ABTB3: variants seen among roughly 807,000 people sequenced by gnomAD.
ABTB3 encodes the protein ankyrin repeat- and BTB/POZ domain-containing protein 3.
chr12:107,318,892 G>T, the ABTB3 span: 6 of 1,523,386 alleles, frequency 3.9e-6, no homozygotes, highest in African/African-American at 5.5e-5. Flanking sequence ...GCTCCTCGCC[G>T]CTCCTTCCCT....
At chr12:107,474,545 G>A in the ABTB3 span, among the ~76,000 whole-genome samples, 2 of 152,174 alleles carry the variant, frequency 1.3e-5, no homozygotes, top group Admixed American at 6.5e-5. Flanking sequence ...GGGAAAGTGG[G>A]CTGTACCTGG....
chr12:107,448,818 G>A, the ABTB3 span, among the ~76,000 whole-genome samples: 100 of 152,042 alleles, frequency 6.6e-4, no homozygotes, highest in African/African-American at 2.1e-3. Context: ...TGGTCCGCCC[G>A]CCTCGTCCTC....
At chr12:107,648,019 C>T in the ABTB3 span, among the ~76,000 whole-genome samples, 6 of 152,116 alleles carry the variant, frequency 3.9e-5, no homozygotes, top group African/African-American at 9.7e-5. Context: ...GTAACCAGTC[C>T]GTAGATTTTG....
chr12:107,430,085 T>C, the ABTB3 span, among the ~76,000 whole-genome samples: 1 of 152,274 alleles, frequency 6.6e-6, no homozygotes, highest in Non-Finnish European at 1.5e-5. Flanking sequence ...CATATTATGC[T>C]ATGCATACTG....
At chr12:107,335,944 G>A in the ABTB3 span, among the ~76,000 whole-genome samples, 1 of 152,164 alleles carries the variant, frequency 6.6e-6, no homozygotes, top group African/African-American at 2.4e-5. Context: ...ATGCTTCACA[G>A]TTGAAGATGA....
the ABTB3 span, among the ~76,000 whole-genome samples, chr12:107,359,027 G>C: frequency 6.6e-6 from 1 of 152,216 alleles, no homozygotes; most frequent in African/African-American, 2.4e-5. Flanking sequence ...GGCAGGTTGC[G>C]GGCAGCAGCA....
At chr12:107,385,025 C>T in the ABTB3 span, among the ~76,000 whole-genome samples, 7 of 152,340 alleles carry the variant, frequency 4.6e-5, no homozygotes, top group Admixed American at 3.3e-4. Context: ...CGTCCTCATA[C>T]TAGGGCTTAG....
At chr12:107,539,722 C>T in the ABTB3 span, among the ~76,000 whole-genome samples, 1 of 152,188 alleles carries the variant, frequency 6.6e-6, no homozygotes, top group Non-Finnish European at 1.5e-5. Flanking sequence ...TATTCAATGC[C>T]AAGTATGCCA....
the ABTB3 span, among the ~76,000 whole-genome samples, chr12:107,569,329 G>A: frequency 2.0e-5 from 3 of 151,746 alleles, no homozygotes; most frequent in Admixed American, 6.5e-5. Flanking sequence ...GAGAATTTTT[G>A]TAAGGATAAA....
At chr12:107,646,427 C>T in the ABTB3 span, among the ~76,000 whole-genome samples, 1 of 148,346 alleles carries the variant, frequency 6.7e-6, no homozygotes, top group Non-Finnish European at 1.5e-5. Context: ...ATTCTTAAGG[C>T]TCTTATTGTT....
chr12:107,562,294 G>C, the ABTB3 span, among the ~76,000 whole-genome samples: 3 of 152,154 alleles, frequency 2.0e-5, no homozygotes, highest in African/African-American at 7.2e-5. Flanking sequence ...AATCAAACTG[G>C]GTACTCAAAC....
At chr12:107,526,717 C>T in the ABTB3 span, among the ~76,000 whole-genome samples, 70 of 152,210 alleles carry the variant, frequency 4.6e-4, no homozygotes, top group African/African-American at 1.7e-3. Context: ...TGTCCCCAGG[C>T]AATTAGGCAA....
At chr12:107,319,810 G>T in the ABTB3 span, 3 of 1,337,798 alleles carry the variant, frequency 2.2e-6, no homozygotes, top group Non-Finnish European at 2.9e-6. Context: ...AGCGGGAGGC[G>T]CCCGGGGGAG....
chr12:107,588,614 G>A, the ABTB3 span, among the ~76,000 whole-genome samples: 5 of 152,110 alleles, frequency 3.3e-5, no homozygotes, highest in Admixed American at 6.5e-5. Flanking sequence ...TCCGCCTCCC[G>A]GGTTCAAGTG....
chr12:107,390,471 C>A, the ABTB3 span, among the ~76,000 whole-genome samples: 31 of 152,326 alleles, frequency 2.0e-4, no homozygotes, highest in Non-Finnish European at 4.0e-4. Context: ...TTTGTGTGTG[C>A]TTGCCACTTT....
At chr12:107,531,226 T>G in the ABTB3 span, among the ~76,000 whole-genome samples, 1 of 152,200 alleles carries the variant, frequency 6.6e-6, no homozygotes, top group African/African-American at 2.4e-5. Flanking sequence ...CCCCTGGATG[T>G]GACAATCAAA....
At chr12:107,401,202 G>A in the ABTB3 span, among the ~76,000 whole-genome samples, 1 of 152,172 alleles carries the variant, frequency 6.6e-6, no homozygotes, top group Admixed American at 6.5e-5. Flanking sequence ...TAGAGGCTCA[G>A]CCTCAGAAAG....
the ABTB3 span, among the ~76,000 whole-genome samples, chr12:107,503,756 C>CAAAAAAAAAAAAAAAAAAAAAAA: frequency 1.4e-5 from 1 of 70,740 alleles, no homozygotes; most frequent in East Asian, 3.4e-4. Context: ...GACCCTATCT[C>CAAAAAAAAAAAAAAAAAAAAAAA]AAAAAAAAAA....
chr12:107,612,878 G>A, the ABTB3 span: 2 of 1,611,898 alleles, frequency 1.2e-6, no homozygotes, highest in African/African-American at 2.7e-5. Context: ...AGGTGAGGGT[G>A]CAGAGGCCAG....
Sources: allele counts gnomAD v4.1 joint callset (sites outside exome capture counted in the v4.1 genomes callset), GRCh38; gene constraint gnomAD v4.1.1; transcripts MANE v1.5; gene names NCBI Gene and HGNC (gene_info 2026-07-23, HGNC 2026-07-21).